The following MSRB3 variants were observed in gnomAD, a reference collection of about 807,000 sequenced individuals.
MSRB3 encodes methionine-R-sulfoxide reductase B3.
In MSRB3, 13 loss-of-function variants were observed where a neutral mutation model predicts 21.0. The ratio of observed to expected loss-of-function variants is 0.62; its 90% CI spans 0.40 to 0.98. MSRB3 has a LOEUF of 0.98. MSRB3 is among the 50% of genes least tolerant of loss of function. The pLI is 0.00. For synonymous variants in MSRB3, 87 were observed against 88.6 expected, an observed-to-expected ratio of 0.98 and a Z score of 0.10; for missense variants, 199 against 230.3, an observed-to-expected ratio of 0.86 and a Z score of 0.88.
chr12:65,466,525 G>T lies in MSRB3; in HGVS notation c.*3203G>T, dbSNP rs1436304774. The T allele has an allele frequency of 6.6e-6, 1 of 152,034 alleles. No homozygotes were observed. Among genetic ancestry groups the T allele is most frequent in the Non-Finnish European group, 1.5e-5 (1 of 68,014 alleles). The allele number at this position is 152,034 out of a possible 1,614,324, so 9.4% of individuals were successfully genotyped here. A position where few individuals can be genotyped will look rare whatever the true frequency, so the allele number is the denominator to read the frequency against. ...CCATTAGAAGATGCAGAATTCTGTT[G>T]GTGTGCAAAAAGTATAGCCTTACAT... On this transcript the variant is annotated 3_prime_UTR_variant, in exon 7 of 7. Transcript: ENST00000308259.
At chr12:65,329,861 C>T (rs913404983) in intron 4 of MSRB3, among the ~76,000 whole-genome samples, 1 of 152,156 alleles carries the variant, frequency 6.6e-6, no homozygotes, top group Non-Finnish European at 1.5e-5. Flanking sequence ...TCTTACATTG[C>T]ACAAACCTTA....
chr12:65,439,626 T>G (rs959159642), intron 5 of MSRB3, among the ~76,000 whole-genome samples: 1 of 151,518 alleles, frequency 6.6e-6, no homozygotes, highest in Non-Finnish European at 1.5e-5. Flanking sequence ...TCTAACTCTA[T>G]GGGGTACAAT....
intron 5 of MSRB3, among the ~76,000 whole-genome samples, chr12:65,425,798 A>G (rs1200746574): frequency 6.6e-6 from 1 of 152,144 alleles, no homozygotes; most frequent in East Asian, 1.9e-4. Context: ...TCATTACATT[A>G]TAAAAGTATC....
At chr12:65,355,576 AT>A (rs1008367496) in intron 4 of MSRB3, among the ~76,000 whole-genome samples, 1 of 151,538 alleles carries the variant, frequency 6.6e-6, no homozygotes, top group African/African-American at 2.4e-5. Flanking sequence ...TCTAGTTGCA[AT>A]TTTTTTTATT....
chr12:65,303,865 G>A (rs1377285056), intron 1 of MSRB3, among the ~76,000 whole-genome samples: 2 of 152,226 alleles, frequency 1.3e-5, no homozygotes, highest in African/African-American at 4.8e-5. Flanking sequence ...TAAGGATCTG[G>A]AACGAAGACA....
intron 5 of MSRB3, among the ~76,000 whole-genome samples, chr12:65,415,312 A>T (rs1880911804): frequency 6.6e-6 from 1 of 152,120 alleles, no homozygotes; most frequent in Non-Finnish European, 1.5e-5. Context: ...CAGGAGAGGA[A>T]TTTCTTTCCA....
At chr12:65,413,817 G>T (rs954961920) in intron 5 of MSRB3, among the ~76,000 whole-genome samples, 1 of 152,166 alleles carries the variant, frequency 6.6e-6, no homozygotes, top group Admixed American at 6.6e-5. Flanking sequence ...GATTGGGAAT[G>T]CTAGGGAAGA....
chr12:65,329,207 T>A (rs1875250808), intron 4 of MSRB3, among the ~76,000 whole-genome samples: 1 of 152,222 alleles, frequency 6.6e-6, no homozygotes, highest in South Asian at 2.1e-4. Flanking sequence ...TTCATTCAGA[T>A]AGTGTATTCT....
chr12:65,420,146 A>T, intron 5 of MSRB3: 1 of 349,700 alleles, frequency 2.9e-6, no homozygotes, highest in South Asian at 2.5e-5. Context: ...TTTTCTCAGC[A>T]CCACTGAAGA....
rs576585375 is a variant in MSRB3 at position 65,279,902 on chromosome 12, T to C, written c.-52+1037T>C. Among the ~76,000 whole-genome samples the C allele has an allele frequency of 5.9e-4, 90 of 152,334 alleles. No individual in the cohort carries two copies. The Middle Eastern group carries it at 0.01, about 17-fold the overall frequency. On this transcript the variant is annotated intron_variant, in intron 1 of 6. Transcript: ENST00000308259. ...TGGAAGAATATAAATTATAATTCCT[T>C]AGAGCTGAGATTTCTTAGGAGATTT...
intron 5 of MSRB3, among the ~76,000 whole-genome samples, chr12:65,439,539 A>G (rs1175991583): frequency 6.6e-6 from 1 of 151,650 alleles, no homozygotes; most frequent in Non-Finnish European, 1.5e-5. Flanking sequence ...GCTACAAGGA[A>G]AATCTTAAAT....
At chr12:65,420,126 G>T in intron 5 of MSRB3, 1 of 387,916 alleles carries the variant, frequency 2.6e-6, no homozygotes, top group Non-Finnish European at 5.0e-6. Flanking sequence ...TTCTGAATGT[G>T]GATATCTAGT....
chr12:65,278,744 C>CCGG lies in MSRB3; in HGVS notation c.-165_-163dup, dbSNP rs772169598. 21 of 1,569,912 alleles carry CCGG rather than the reference C, an allele frequency of 1.3e-5. No individual in the cohort carries two copies. The East Asian group carries it at 4.9e-4, about 37-fold the overall frequency. ...GGAGGGAGGGAGCGAGGTTCGGACACCGGCGGCGGCTGCCTGGCCTTTCCA... is the reference window on the plus strand; with the variant it reads ...GGAGGGAGGGAGCGAGGTTCGGACACCGGCGGCGGCGGCTGCCTGGCCTTTCCA... On this transcript the variant is annotated 5_prime_UTR_variant, in exon 1 of 7. Transcript: ENST00000308259.
At chr12:65,397,670 A>G (rs1427765373) in intron 5 of MSRB3, among the ~76,000 whole-genome samples, 1 of 152,166 alleles carries the variant, frequency 6.6e-6, no homozygotes, top group Non-Finnish European at 1.5e-5. Context: ...CAGGTTTGTT[A>G]CATAGGTATA....
chr12:65,426,455 T>A (rs1881604915), intron 5 of MSRB3, among the ~76,000 whole-genome samples: 1 of 152,184 alleles, frequency 6.6e-6, no homozygotes, highest in African/African-American at 2.4e-5. Context: ...GCTTCTTTCC[T>A]CTGGCTGTTT....
chr12:65,278,794 GC>G lies in MSRB3; in HGVS notation c.-118del, dbSNP rs574256598. The G allele has an allele frequency of 1.2e-4, 187 of 1,571,156 alleles. No homozygotes were observed. In the African/African-American group the frequency reaches 2.4e-3, roughly 20 times the overall value. ...ATGAGCCCGCGGCGGACCCTCCCGC[GC>G]CCCCTCTCGCTCTGCCTCTCCCTCT... On this transcript the variant is annotated 5_prime_UTR_variant, in exon 1 of 7. It removes the in-frame stop codon of an upstream open reading frame in the 5' UTR. Transcript: ENST00000308259.
chr12:65,408,257 G>A (rs1282399870), intron 5 of MSRB3, among the ~76,000 whole-genome samples: 1 of 152,010 alleles, frequency 6.6e-6, no homozygotes, highest in Non-Finnish European at 1.5e-5. Flanking sequence ...ACTATGCCCA[G>A]CTAATTTTTG....
intron 4 of MSRB3, among the ~76,000 whole-genome samples, chr12:65,353,456 A>G (rs1193137055): frequency 6.6e-6 from 1 of 152,158 alleles, no homozygotes; most frequent in Non-Finnish European, 1.5e-5. Context: ...TTCTTGTTGA[A>G]TTGATCCCTT....
intron 1 of MSRB3, among the ~76,000 whole-genome samples, chr12:65,282,677 T>TA (rs1491164587): frequency 1.5e-5 from 1 of 64,964 alleles, no homozygotes; most frequent in African/African-American, 7.3e-5. Flanking sequence ...TTTGCTGGTG[T>TA]TTTTTTTTTT....
Sources: allele counts gnomAD v4.1 joint callset (sites outside exome capture counted in the v4.1 genomes callset), GRCh38; gene constraint gnomAD v4.1.1; transcripts MANE v1.5; gene names NCBI Gene and HGNC (gene_info 2026-07-23, HGNC 2026-07-21).